ALPK1: variants seen among roughly 807,000 people sequenced by gnomAD.
ALPK1 encodes alpha-protein kinase 1.
A neutral mutation model predicts 120.6 loss-of-function variants in ALPK1; 110 were observed. The ratio of observed to expected loss-of-function variants is 0.91; its 90% CI spans 0.78 to 1.07. ALPK1 has a LOEUF of 1.07. Among genes scored for constraint, ALPK1 ranks in the 50% least tolerant of loss-of-function variants. ALPK1 has a pLI of 0.00. For missense variants in ALPK1, 1,498 were observed against 1,483.9 expected (o/e 1.01, Z -0.16); for synonymous variants, 582 against 560.3 (o/e 1.04, Z -0.55).
intron 2 of ALPK1, among the ~76,000 whole-genome samples, chr4:112,333,201 C>G (rs984110438): frequency 6.6e-6 from 1 of 152,240 alleles, no homozygotes; most frequent in African/African-American, 2.4e-5. Context: ...TGATCTGGCC[C>G]TGCATAATTA....
chr4:112,428,354 G>A (rs760565677), intron 9 of ALPK1, among the ~76,000 whole-genome samples: 3 of 152,078 alleles, frequency 2.0e-5, no homozygotes, highest in South Asian at 2.1e-4. Context: ...TTTTATTATC[G>A]TCTATATTGC....
intron 11 of ALPK1, among the ~76,000 whole-genome samples, chr4:112,433,431 T>A (rs965214197): frequency 1.2e-4 from 18 of 152,236 alleles, no homozygotes; most frequent in Admixed American, 3.3e-4. Context: ...AGTCTCCAGC[T>A]CCCAACACCA....
chr4:112,435,330 ATGTAAGATGAGCTAACCTTGCTCTTC>A, intron 12 of ALPK1, 29 bp downstream of exon 12: 1 of 1,594,596 alleles, frequency 6.3e-7, no homozygotes, highest in Non-Finnish European at 8.5e-7. Context: ...TGTATAACTA[ATGTAAGATGAGCTAACCTTGCTCTTC>A]TGTTAAGTAA....
chr4:112,319,428 A>G (rs1248832256), intron 2 of ALPK1, among the ~76,000 whole-genome samples: 1 of 152,214 alleles, frequency 6.6e-6, no homozygotes, highest in Admixed American at 6.5e-5. Flanking sequence ...CTATTTTTAT[A>G]CCAACACCAT....
rs952060685 is a variant in ALPK1, at chr4:112,440,910, C to G, written c.3539-7C>G. On this transcript the variant is annotated splice_polypyrimidine_tract_variant and splice_region_variant and intron_variant, in intron 14 of 15. Coordinates refer to ENST00000650871, the MANE Select transcript of ALPK1 (RefSeq NM_025144.4). ...TTAATACTCAGGTGTGTTCATTTCT[C>G]TTTTAGGTTGGGTAACCGGTAATGG... 1 of 1,605,414 alleles carries G rather than the reference C, an allele frequency of 6.2e-7. No individual in the cohort carries two copies.
At chr4:112,303,530 C>A (rs982739490) in intron 1 of ALPK1, among the ~76,000 whole-genome samples, 1 of 152,122 alleles carries the variant, frequency 6.6e-6, no homozygotes, top group African/African-American at 2.4e-5. Flanking sequence ...CCATATCGAT[C>A]CATTCTCACT....
chr4:112,436,944 G>A lies in ALPK1; in HGVS notation c.3189-1540G>A, dbSNP rs187040711. On this transcript the variant is annotated intron_variant, in intron 12 of 15. Transcript: ENST00000650871. ...CAGCAAGAGAGCAAAAACAATATTT[G>A]AATAGATACTTTCTGGTAATTTTTC... 7.2e-5 allele frequency among the ~76,000 whole-genome samples: 11 copies of A among 152,212 alleles called. No individual in the cohort carries two copies. The East Asian group carries it at 2.1e-3, about 29-fold the overall frequency.
intron 2 of ALPK1, chr4:112,357,003 A>T (rs1374794032): frequency 1.3e-6 from 1 of 779,962 alleles, no homozygotes; most frequent in Non-Finnish European, 2.3e-6. Flanking sequence ...GTGGCACAGC[A>T]GGGCCAGCCC....
chr4:112,407,162 AG>A (rs535923664), intron 4 of ALPK1, among the ~76,000 whole-genome samples: 43 of 152,312 alleles, frequency 2.8e-4, no homozygotes, highest in African/African-American at 1.0e-3. Context: ...GAGTGGAAAA[AG>A]GGGAGTTGTT....
At chr4:112,412,046 C>T (rs748365124) in intron 5 of ALPK1, 21 bp downstream of exon 5, 17 of 1,612,540 alleles carry the variant, frequency 1.1e-5, no homozygotes, top group Admixed American at 1.7e-5. Context: ...TCCTGCTGGC[C>T]GCCCCCGCGT....
chr4:112,329,587 G>T (rs549777955), intron 2 of ALPK1, among the ~76,000 whole-genome samples: 7 of 152,204 alleles, frequency 4.6e-5, no homozygotes, highest in Non-Finnish European at 8.8e-5. Context: ...AGTTATCAGA[G>T]AATTCAGAAA....
rs1306750937 is a variant in ALPK1, at chr4:112,441,239, T to C, written c.*29T>C. On this transcript the variant is annotated 3_prime_UTR_variant, in exon 16 of 16. Transcript: ENST00000650871. ...ACGGCACAGTCTGGTCCTTTGGGGCTTGGGCAGGGCCGTGACACAGGTTCT... is the reference window on the plus strand; with the variant it reads ...ACGGCACAGTCTGGTCCTTTGGGGCCTGGGCAGGGCCGTGACACAGGTTCT... 6.8e-7 allele frequency: 1 copy of C among 1,468,746 alleles called. No individual in the cohort carries two copies. The highest frequency in any genetic ancestry group is 9.5e-7 in the Non-Finnish European group (1 of 1,047,644). 91.0% of individuals were successfully genotyped at this position (1,468,746 alleles called of 1,614,324 possible). A position where few individuals can be genotyped will look rare whatever the true frequency, so the allele number is the denominator to read the frequency against.
At chr4:112,332,207 A>T (rs1318738102) in intron 2 of ALPK1, among the ~76,000 whole-genome samples, 1 of 152,212 alleles carries the variant, frequency 6.6e-6, no homozygotes, top group Admixed American at 6.5e-5. Flanking sequence ...TTCCTTAAAT[A>T]TAAAGCCTAT....
chr4:112,397,813 GA>G (rs1279455692), intron 4 of ALPK1, among the ~76,000 whole-genome samples: 1 of 146,664 alleles, frequency 6.8e-6, no homozygotes, highest in African/African-American at 2.7e-5. Context: ...GTGGGGTGGG[GA>G]GCAGCTTCTT....
rs369068309 is a variant in ALPK1, at chr4:112,339,288, TAAG to T, written c.-101+23442_-101+23444del. Among the ~76,000 whole-genome samples, 185 of 152,304 alleles carry T rather than the reference TAAG, an allele frequency of 1.2e-3. 3 individuals are homozygous for T. The highest frequency in any genetic ancestry group is 4.3e-3 in the African/African-American group (177 of 41,560). On this transcript the variant is annotated intron_variant, in intron 2 of 15. Coordinates refer to ENST00000650871, the MANE Select transcript of ALPK1 (RefSeq NM_025144.4). Reference sequence around the variant, plus strand: ...TGAGGTTCCGGTGTCCATAATCAAATAAGAAGAAATATATTTCTTTGGCATAAA... The same window carrying T: ...TGAGGTTCCGGTGTCCATAATCAAATAAGAAATATATTTCTTTGGCATAAA...
chr4:112,392,201 G>A (rs1732449157), intron 4 of ALPK1, among the ~76,000 whole-genome samples: 2 of 152,020 alleles, frequency 1.3e-5, no homozygotes, highest in Non-Finnish European at 2.9e-5. Flanking sequence ...AAGTTCAATA[G>A]GTCCAAAACT....
rs567429214 is a variant in ALPK1, at chr4:112,353,568, A to G, written c.-100-24110A>G. 3.3e-5 allele frequency among the ~76,000 whole-genome samples: 5 copies of G among 152,090 alleles called. No individual in the cohort carries two copies. In the South Asian group the frequency reaches 8.3e-4, roughly 25 times the overall value. ...TTATTATCCATTTACTTTTTTTTCA[A>G]TCAAGAAGTTGCAAAGGGGCCGGGC... On this transcript the variant is annotated intron_variant, in intron 2 of 15. Coordinates refer to ENST00000650871, the MANE Select transcript of ALPK1 (RefSeq NM_025144.4).
At chr4:112,366,539 A>G (rs1392835716) in intron 2 of ALPK1, among the ~76,000 whole-genome samples, 1 of 152,196 alleles carries the variant, frequency 6.6e-6, no homozygotes, top group African/African-American at 2.4e-5. Context: ...TAATCAAAAA[A>G]TCAAAAAATA....
At chr4:112,427,990 T>C in intron 9 of ALPK1, 1 of 206,502 alleles carries the variant, frequency 4.8e-6, no homozygotes. Flanking sequence ...TTGGGCCATC[T>C]TGATGATAAA....
Sources: gnomAD v4.1 joint callset for allele counts (sites outside exome capture counted in the v4.1 genomes callset) on GRCh38, gnomAD v4.1.1 for gene constraint, MANE v1.5 for transcripts, NCBI Gene and HGNC (gene_info 2026-07-23, HGNC 2026-07-21) for gene names.